RFPL1: variants seen among roughly 807,000 people sequenced by gnomAD.
RFPL1 encodes ret finger protein like 1.
RFPL1 carries 6 observed loss-of-function variants against 9.6 expected under a neutral mutation model. The observed-to-expected ratio is 0.62, with a 90% CI of 0.34 to 1.23. The LOEUF (loss-of-function observed/expected upper bound fraction) is 1.23, where lower values mean the gene tolerates loss of function less well. Among genes scored for constraint, RFPL1 ranks in the 50% most tolerant of loss-of-function variants. The pLI, the probability that RFPL1 is intolerant of heterozygous loss-of-function variation, is 0.03. For missense variants in RFPL1, 352 were observed against 398.4 expected, an observed-to-expected ratio of 0.88 and a Z score of 0.99; for synonymous variants, 145 against 149.4, an observed-to-expected ratio of 0.97 and a Z score of 0.22.
chr22:29,388,777 G>A, the RFPL1 span, among the ~76,000 whole-genome samples: 2 of 152,274 alleles, frequency 1.3e-5, no homozygotes, highest in Non-Finnish European at 2.9e-5. Flanking sequence ...GCGTGAGGGG[G>A]CCGGGCAAGG....
At chr22:29,407,789 G>T in the RFPL1 span, among the ~76,000 whole-genome samples, 1 of 152,134 alleles carries the variant, frequency 6.6e-6, no homozygotes, top group Non-Finnish European at 1.5e-5. Context: ...TTTCCTTTGT[G>T]GGTAGCCAAG....
chr22:29,438,940 C>A (rs1312612399), exon 1 of RFPL1: 3 of 1,613,964 alleles, frequency 1.9e-6, no homozygotes, highest in Non-Finnish European at 2.5e-6. Context: ...CTAGAGAAAC[C>A]AATGTCCCTG....
At chr22:29,399,561 C>T in the RFPL1 span, among the ~76,000 whole-genome samples, 4 of 152,194 alleles carry the variant, frequency 2.6e-5, no homozygotes, top group African/African-American at 9.7e-5. Flanking sequence ...TGAACTTTAT[C>T]GGGTCTTTTC....
At chr22:29,406,129 AAAAAAAAAAAAAAAAAAT>A in the RFPL1 span, among the ~76,000 whole-genome samples, 463 of 61,446 alleles carry the variant, frequency 7.5e-3, 25 homozygotes, top group African/African-American at 0.027. Context: ...AAAAAAAAAA[AAAAAAAAAAAAAAAAAAT>A]AAAAAAAAAG....
chr22:29,401,569 G>A, the RFPL1 span, among the ~76,000 whole-genome samples: 5 of 152,022 alleles, frequency 3.3e-5, no homozygotes, highest in African/African-American at 1.2e-4. Flanking sequence ...CTTCTTCCAC[G>A]TCTAATCACC....
the RFPL1 span, among the ~76,000 whole-genome samples, chr22:29,417,520 C>A: frequency 6.7e-6 from 1 of 148,522 alleles, no homozygotes; most frequent in Non-Finnish European, 1.5e-5. Context: ...CAGGGCTGGG[C>A]ACCACGAGGG....
the RFPL1 span, among the ~76,000 whole-genome samples, chr22:29,399,030 T>C: frequency 2.2e-4 from 33 of 152,344 alleles, no homozygotes; most frequent in African/African-American, 7.2e-4. Context: ...TTACAAAGTG[T>C]GTGTCACGTG....
At chr22:29,420,646 T>TG in the RFPL1 span, among the ~76,000 whole-genome samples, 2 of 136,582 alleles carry the variant, frequency 1.5e-5, no homozygotes, top group Non-Finnish European at 3.2e-5. Context: ...TTTTTTTTTT[T>TG]TTTTTTTTTT....
chr22:29,394,890 C>T, the RFPL1 span, among the ~76,000 whole-genome samples: 4 of 152,154 alleles, frequency 2.6e-5, no homozygotes, highest in African/African-American at 9.7e-5. Flanking sequence ...TGACGGCAGG[C>T]CTCATGCTTT....
chr22:29,424,817 T>C, the RFPL1 span, among the ~76,000 whole-genome samples: 4 of 120,090 alleles, frequency 3.3e-5, no homozygotes, highest in South Asian at 3.3e-4. Flanking sequence ...CAAGACTCTG[T>C]CTCCCTGTCC....
chr22:29,435,569 T>C (rs2062804724), upstream of RFPL1, among the ~76,000 whole-genome samples: 1 of 152,070 alleles, frequency 6.6e-6, no homozygotes, highest in Non-Finnish European at 1.5e-5. Context: ...ATCCAATTCA[T>C]TCCAATCATG....
the RFPL1 span, among the ~76,000 whole-genome samples, chr22:29,411,862 G>A: frequency 1.3e-5 from 2 of 152,120 alleles, no homozygotes; most frequent in Non-Finnish European, 2.9e-5. Context: ...TTATAAATGA[G>A]GCTATTTTCT....
At chr22:29,438,064 G>A (rs1474447114), upstream of RFPL1, 4 of 207,038 alleles carry the variant, frequency 1.9e-5, 1 homozygote. Context: ...TGTAGAGAGG[G>A]GGTCTTCCTG....
At chr22:29,438,874 T>G (rs1569183598) in exon 1 of RFPL1, 1 of 1,613,990 alleles carries the variant, frequency 6.2e-7, no homozygotes, top group South Asian at 1.1e-5. Flanking sequence ...CCCCTGGCAG[T>G]GGACATGGCT....
At chr22:29,419,813 A>G in the RFPL1 span, among the ~76,000 whole-genome samples, 1 of 151,710 alleles carries the variant, frequency 6.6e-6, no homozygotes, top group Non-Finnish European at 1.5e-5. Context: ...AAAAAAAAAA[A>G]AAAGAAAAGA....
chr22:29,405,234 C>T, the RFPL1 span, among the ~76,000 whole-genome samples: 2 of 152,098 alleles, frequency 1.3e-5, no homozygotes, highest in African/African-American at 4.8e-5. Context: ...ATTGTCGGAG[C>T]AGGGAAAGCA....
the RFPL1 span, among the ~76,000 whole-genome samples, chr22:29,415,628 C>T: frequency 6.6e-6 from 1 of 152,262 alleles, no homozygotes; most frequent in African/African-American, 2.4e-5. Context: ...GACAAAACTC[C>T]TCAGACACCG....
the RFPL1 span, among the ~76,000 whole-genome samples, chr22:29,423,758 T>C: frequency 6.6e-6 from 1 of 152,236 alleles, no homozygotes; most frequent in Non-Finnish European, 1.5e-5. Flanking sequence ...CTTCTCCCCA[T>C]GACTTCTCTA....
the RFPL1 span, among the ~76,000 whole-genome samples, chr22:29,423,596 C>A: frequency 6.6e-6 from 1 of 152,188 alleles, no homozygotes; most frequent in African/African-American, 2.4e-5. Flanking sequence ...CTTACAGCAG[C>A]CCCTTTGTGG....
Sources: allele counts gnomAD v4.1 joint callset (sites outside exome capture counted in the v4.1 genomes callset), GRCh38; gene constraint gnomAD v4.1.1; transcripts MANE v1.5; gene names NCBI Gene and HGNC (gene_info 2026-07-23, HGNC 2026-07-21).